The following ASIC2 variants were observed in gnomAD, a reference collection of about 807,000 sequenced individuals.
ASIC2 encodes acid-sensing ion channel 2.
A neutral mutation model predicts 57.3 loss-of-function variants in ASIC2; 25 were observed. The ratio of observed to expected loss-of-function variants is 0.44; its 90% CI spans 0.32 to 0.61. The LOEUF is 0.61. Among genes scored for constraint, ASIC2 ranks in the 20% least tolerant of loss-of-function variants. The probability of loss-of-function intolerance (pLI) is 0.06; values close to 1 mark genes in which losing one functional copy is unlikely to be tolerated. For missense variants in ASIC2, 641 were observed against 738.1 expected (o/e 0.87, Z 1.52); for synonymous variants, 319 against 307.5 (o/e 1.04, Z -0.39).
chr17:33,873,527 C>G (rs1350912525), intron 1 of ASIC2, among the ~76,000 whole-genome samples: 1 of 152,156 alleles, frequency 6.6e-6, no homozygotes, highest in East Asian at 1.9e-4. Flanking sequence ...ATTCTTGAGG[C>G]CATCACTTAC....
chr17:33,404,945 A>T (rs1281884303), intron 1 of ASIC2, among the ~76,000 whole-genome samples: 1 of 152,106 alleles, frequency 6.6e-6, no homozygotes, highest in African/African-American at 2.4e-5. Flanking sequence ...GTCCTAAAAA[A>T]CTTGAATGAC....
At chr17:34,132,647 T>C in intron 1 of ASIC2, among the ~76,000 whole-genome samples, 1 of 152,110 alleles carries the variant, frequency 6.6e-6, no homozygotes, top group Non-Finnish European at 1.5e-5. Context: ...GATTGGTGCA[T>C]TTTACAATCC....
At chr17:33,284,511 G>C (rs556795178) in intron 1 of ASIC2, among the ~76,000 whole-genome samples, 53 of 152,244 alleles carry the variant, frequency 3.5e-4, no homozygotes, top group African/African-American at 1.2e-3. Context: ...CAGGGTTGCA[G>C]GTCTTGGAAC....
chr17:33,812,322 G>C (rs1343415091), intron 1 of ASIC2, among the ~76,000 whole-genome samples: 1 of 152,128 alleles, frequency 6.6e-6, no homozygotes, highest in Non-Finnish European at 1.5e-5. Context: ...GGCTTTGAAG[G>C]AAAAGGCTCT....
intron 1 of ASIC2, chr17:33,932,741 A>AATATATATATATATATATATATATAT (rs1330850946): frequency 2.0e-4 from 12 of 58,658 alleles, no homozygotes; most frequent in African/African-American, 3.4e-4. Flanking sequence ...AAAAAAAAAA[A>AATATATATATATATATATATATATAT]ATATATATAT....
intron 1 of ASIC2, among the ~76,000 whole-genome samples, chr17:33,625,931 A>T (rs964218130): frequency 6.6e-6 from 1 of 152,212 alleles, no homozygotes; most frequent in South Asian, 2.1e-4. Flanking sequence ...CCAACCAACC[A>T]ACCTCCTCTT....
At chr17:33,932,356 T>C (rs1915949270) in intron 1 of ASIC2, among the ~76,000 whole-genome samples, 1 of 152,168 alleles carries the variant, frequency 6.6e-6, no homozygotes. Context: ...GAATATTGTT[T>C]ATATTGATTG....
intron 1 of ASIC2, among the ~76,000 whole-genome samples, chr17:33,687,428 C>T (rs75763264): frequency 3.3e-5 from 5 of 152,142 alleles, no homozygotes; most frequent in Admixed American, 6.6e-5. Flanking sequence ...GTTTCTCATG[C>T]GTCAGGATAG....
intron 1 of ASIC2, among the ~76,000 whole-genome samples, chr17:33,239,899 C>T (rs924498537): frequency 6.6e-6 from 1 of 152,222 alleles, no homozygotes; most frequent in African/African-American, 2.4e-5. Context: ...GAAGCCTGCC[C>T]TGACTTCCCA....
chr17:33,787,450 G>A (rs1257618741), intron 1 of ASIC2, among the ~76,000 whole-genome samples: 2 of 152,180 alleles, frequency 1.3e-5, no homozygotes, highest in Admixed American at 6.5e-5. Context: ...TGTAATAAAA[G>A]GATAAATTAG....
chr17:33,997,652 T>A (rs904835759), intron 1 of ASIC2, among the ~76,000 whole-genome samples: 1 of 152,208 alleles, frequency 6.6e-6, no homozygotes, highest in African/African-American at 2.4e-5. Flanking sequence ...TATCCTTCAT[T>A]CTGTGAATGC....
chr17:33,148,725 A>G (rs527605162), intron 1 of ASIC2, among the ~76,000 whole-genome samples: 1 of 152,400 alleles, frequency 6.6e-6, no homozygotes, highest in East Asian at 1.9e-4. Context: ...ATTAGCTCAC[A>G]GTATTTTTTA....
intron 2 of ASIC2, among the ~76,000 whole-genome samples, chr17:33,101,013 G>A (rs562942523): frequency 1.4e-4 from 22 of 152,248 alleles, no homozygotes; most frequent in African/African-American, 4.6e-4. Context: ...TAGAGTCCTC[G>A]GACACCTGTG....
At chr17:34,061,242 GA>G (rs147476661) in intron 1 of ASIC2, among the ~76,000 whole-genome samples, 4,146 of 152,164 alleles carry the variant, frequency 0.027, 188 homozygotes, top group African/African-American at 0.094. Context: ...TGTACCCAGT[GA>G]AACTAAGCAT....
At chr17:33,129,281 G>A (rs2092336080) in intron 1 of ASIC2, among the ~76,000 whole-genome samples, 1 of 152,174 alleles carries the variant, frequency 6.6e-6, no homozygotes, top group Non-Finnish European at 1.5e-5. Flanking sequence ...TGGTAAAGAG[G>A]AAATCAGGTC....
chr17:33,733,095 A>T (rs528798936), intron 1 of ASIC2, among the ~76,000 whole-genome samples: 23 of 151,964 alleles, frequency 1.5e-4, no homozygotes, highest in South Asian at 6.2e-4. Context: ...TTATTTTTTT[A>T]AAAAAACTTT....
chr17:33,627,446 G>A (rs891600155), intron 1 of ASIC2, among the ~76,000 whole-genome samples: 1 of 152,190 alleles, frequency 6.6e-6, no homozygotes, highest in Non-Finnish European at 1.5e-5. Flanking sequence ...GGCGTACAGA[G>A]GCAAGTCTAT....
intron 1 of ASIC2, among the ~76,000 whole-genome samples, chr17:33,633,144 C>T (rs896621302): frequency 1.3e-5 from 2 of 152,178 alleles, no homozygotes; most frequent in Admixed American, 1.3e-4. Context: ...GTCGGGTCTC[C>T]AGGGAGTCAT....
At chr17:33,301,792 G>T (rs1454402450) in intron 1 of ASIC2, among the ~76,000 whole-genome samples, 1 of 152,198 alleles carries the variant, frequency 6.6e-6, no homozygotes. Context: ...ACTGGTCTGA[G>T]AGCCATTGCC....
Sources: allele counts gnomAD v4.1 joint callset (sites outside exome capture counted in the v4.1 genomes callset), GRCh38; gene constraint gnomAD v4.1.1; transcripts MANE v1.5; gene names NCBI Gene and HGNC (gene_info 2026-07-23, HGNC 2026-07-21).